GOLGA6C: variants seen among roughly 807,000 people sequenced by gnomAD.
GOLGA6C encodes golgin subfamily A member 6C.
In GOLGA6C, 3 loss-of-function variants were observed where a neutral mutation model predicts 57.5. The observed-to-expected ratio is 0.05, with a 90% CI of 0.02 to 0.13. The LOEUF is 0.13. GOLGA6C is among the 10% of genes least tolerant of loss of function. The pLI, the probability that GOLGA6C is intolerant of heterozygous loss-of-function variation, is 1.00. For synonymous variants in GOLGA6C, 32 were observed against 203.8 expected (o/e 0.16, Z 7.18); for missense variants, 88 against 525.6 (o/e 0.17, Z 8.14).
intron 7 of GOLGA6C, 92 bp from the exon 8 acceptor site, chr15:75,265,030 T>A (rs1488233406): frequency 2.0e-6 from 3 of 1,492,414 alleles, no homozygotes; most frequent in Non-Finnish European, 2.8e-6. Flanking sequence ...TGACCTTTAC[T>A]AACCGAGTTG....
chr15:75,272,564 G>A lies in GOLGA6C; in HGVS notation c.*2365G>A, dbSNP rs2070792891. ...AATGACTAGGAATGATCTTCAGCTA[G>A]CCTTTAGCACCTGCAACCAATCTGA... is the stretch of plus-strand genomic sequence containing the variant. On this transcript the variant is annotated 3_prime_UTR_variant, in exon 18 of 18. Transcript: ENST00000300576. Among the ~76,000 whole-genome samples the A allele has an allele frequency of 2.0e-5, 3 of 152,356 alleles. No individual in the cohort carries two copies. Among genetic ancestry groups the A allele is most frequent in the South Asian group, 4.1e-4 (2 of 4,830 alleles).
rs1307440100 is a variant in GOLGA6C at position 75,273,275 on chromosome 15, G to T, written c.*3076G>T. Among the ~76,000 whole-genome samples, 1 of 151,850 alleles carries T rather than the reference G, an allele frequency of 6.6e-6. No homozygotes were observed. Among genetic ancestry groups the T allele is most frequent in the Non-Finnish European group, 1.5e-5 (1 of 67,978 alleles). On this transcript the variant is annotated 3_prime_UTR_variant, in exon 18 of 18. Coordinates refer to ENST00000300576, the MANE Select transcript of GOLGA6C (RefSeq NM_001164404.2). ...GGGAAGGAAAAGTAGAGAAAGAAAT[G>T]CCAATTCCAATGCAAGGCTTTATTT...
chr15:75,258,894 G>A (rs1416972538), intron 1 of GOLGA6C, among the ~76,000 whole-genome samples: 1 of 150,694 alleles, frequency 6.6e-6, no homozygotes. Context: ...ATCACCCTGC[G>A]GTGACTTTGG....
In GOLGA6C at chr15:75,272,514, C is replaced by T. The variant is rs1176586849; in HGVS notation, c.*2315C>T. On this transcript the variant is annotated 3_prime_UTR_variant, in exon 18 of 18. Transcript: ENST00000300576. ...AAAGGTATTTTTATAGTTCAAATCA[C>T]TTCACTTTTACCCTGATAAATATAA... Among the ~76,000 whole-genome samples the T allele has an allele frequency of 1.3e-5, 2 of 152,324 alleles. No homozygotes were observed. Among genetic ancestry groups the T allele is most frequent in the South Asian group, 2.1e-4 (1 of 4,834 alleles).
At position 75,270,145 on chromosome 15, in the gene GOLGA6C, C is replaced by A. The variant is rs1306897408; in HGVS notation, c.2028C>A (p.Asp676Glu). ...CGGCCAGGGAGGGTTCTCCCCATGA[C>A]AACCCCCCGGTACAGCAGATCGTGC... ...PGAAREGSPH[D>E]NPPVQQIVQL... The change falls in exon 18 of 18, where the codon GAC (aspartate) becomes GAA (glutamate). Residue 676 changes from aspartate to glutamate, a missense_variant. By Grantham distance (45) the Asp-to-Glu change is conservative. Transcript: ENST00000300576. 6.3e-7 allele frequency: 1 copy of A among 1,592,794 alleles called. No individual in the cohort carries two copies. Among genetic ancestry groups the A allele is most frequent in the East Asian group, 2.4e-5 (1 of 41,684 alleles).
At chr15:75,269,361 G>A in intron 14 of GOLGA6C, 92 bp from the exon 15 acceptor site, 1 of 591,570 alleles carries the variant, frequency 1.7e-6, no homozygotes, top group Non-Finnish European at 3.0e-6. Flanking sequence ...TGGTGAAGCT[G>A]AAAGGGAGTG....
In GOLGA6C at chr15:75,269,228, G is replaced by A. The variant is rs376487842; in HGVS notation, c.1594-225G>A. On this transcript the variant is annotated intron_variant, in intron 14 of 17. Coordinates refer to ENST00000300576, the MANE Select transcript of GOLGA6C (RefSeq NM_001164404.2). ...CAGCGGAAGGTGCGAAGGCTGTGCC[G>A]CCTGCACCTGGCTCATCTGGTGGCC... 5.2e-4 allele frequency among the ~76,000 whole-genome samples: 76 copies of A among 145,962 alleles called. 1 individual carries two copies. Among genetic ancestry groups the A allele is most frequent in the African/African-American group, 1.8e-3 (68 of 37,768 alleles).
intron 1 of GOLGA6C, among the ~76,000 whole-genome samples, chr15:75,259,335 G>C (rs1429919264): frequency 8.1e-6 from 1 of 124,182 alleles, no homozygotes; most frequent in East Asian, 2.5e-4. Context: ...AGTCCCCTAA[G>C]CATTCTCACC....
intron 1 of GOLGA6C, among the ~76,000 whole-genome samples, chr15:75,259,009 G>A (rs1467160672): frequency 6.8e-6 from 1 of 147,516 alleles, no homozygotes; most frequent in East Asian, 2.1e-4. Flanking sequence ...AAGGACCTGG[G>A]TCCCCCAGCC....
Position 75,270,399 on chromosome 15 carries a change from T to C in GOLGA6C, c.*200T>C, listed in dbSNP as rs2141636003. Among the ~76,000 whole-genome samples the C allele has an allele frequency of 7.1e-6, 1 of 140,192 alleles. No homozygotes were observed. Among genetic ancestry groups the C allele is most frequent in the East Asian group, 2.2e-4 (1 of 4,472 alleles). 92.0% of individuals were successfully genotyped at this position (140,192 alleles called of 152,430 possible). A position where few individuals can be genotyped will look rare whatever the true frequency, so the allele number is the denominator to read the frequency against. On this transcript the variant is annotated 3_prime_UTR_variant, in exon 18 of 18. Transcript: ENST00000300576. ...AGCCACTCACATTTATTTGTGTTTC[T>C]AATTTACCGTTTAAATTTATTTGTA...
rs2070795892 is a variant in GOLGA6C at position 75,272,935 on chromosome 15, T to A, written c.*2736T>A. 6.6e-6 allele frequency among the ~76,000 whole-genome samples: 1 copy of A among 152,020 alleles called. No homozygotes were observed. The highest frequency in any genetic ancestry group is 2.1e-4 in the South Asian group (1 of 4,836). On this transcript the variant is annotated 3_prime_UTR_variant, in exon 18 of 18. Coordinates refer to ENST00000300576, the MANE Select transcript of GOLGA6C (RefSeq NM_001164404.2). Reference sequence around the variant, plus strand: ...TAAAGTGTGGGTTCAACTGAATAAATTTGAATTTCTGTAGGAAGTAAAGAA... The same window carrying A: ...TAAAGTGTGGGTTCAACTGAATAAAATTGAATTTCTGTAGGAAGTAAAGAA...
At chr15:75,269,193 G>A (rs2070771513) in intron 14 of GOLGA6C, among the ~76,000 whole-genome samples, 1 of 146,446 alleles carries the variant, frequency 6.8e-6, no homozygotes, top group African/African-American at 2.6e-5. Flanking sequence ...AGCAGGCACG[G>A]CTATGTGGGC....
In GOLGA6C at chr15:75,272,751, A is replaced by G. The variant is rs532749726; in HGVS notation, c.*2552A>G. ...AAAAATTAAATAGCATGTAAATCAT[A>G]TAACAATAACTTAAGTCTTTCTTCA... On this transcript the variant is annotated 3_prime_UTR_variant, in exon 18 of 18. Transcript: ENST00000300576. Among the ~76,000 whole-genome samples the G allele has an allele frequency of 1.3e-5, 2 of 151,142 alleles. No individual in the cohort carries two copies. Among genetic ancestry groups the G allele is most frequent in the East Asian group, 1.9e-4 (1 of 5,190 alleles).
At chr15:75,261,826 T>G (rs1435959987) in intron 2 of GOLGA6C, among the ~76,000 whole-genome samples, 2 of 40,906 alleles carry the variant, frequency 4.9e-5, no homozygotes, top group African/African-American at 1.7e-4. Flanking sequence ...TTTTTTTTTT[T>G]TTTTTTTTGA....
In GOLGA6C at chr15:75,269,240, C is replaced by A. The variant is rs562133593; in HGVS notation, c.1594-213C>A. Reference sequence around the variant, plus strand: ...CGAAGGCTGTGCCGCCTGCACCTGGCTCATCTGGTGGCCTTGGCCTGGAAG... The same window carrying A: ...CGAAGGCTGTGCCGCCTGCACCTGGATCATCTGGTGGCCTTGGCCTGGAAG... On this transcript the variant is annotated intron_variant, in intron 14 of 17. Coordinates refer to ENST00000300576, the MANE Select transcript of GOLGA6C (RefSeq NM_001164404.2). Among the ~76,000 whole-genome samples the A allele has an allele frequency of 6.1e-5, 9 of 146,896 alleles. No homozygotes were observed. The South Asian group carries it at 1.9e-3, about 31-fold the overall frequency.
At chr15:75,264,377 G>C (rs2141631474) in intron 7 of GOLGA6C, among the ~76,000 whole-genome samples, 1 of 146,404 alleles carries the variant, frequency 6.8e-6, no homozygotes, top group Admixed American at 6.7e-5. Context: ...TTGGGTAGTT[G>C]TTCTGTGAAG....
rs2070798991 is a variant in GOLGA6C at position 75,273,223 on chromosome 15, T to C, written c.*3024T>C. 6.6e-6 allele frequency among the ~76,000 whole-genome samples: 1 copy of C among 152,134 alleles called. No individual in the cohort carries two copies. The highest frequency in any genetic ancestry group is 1.5e-5 in the Non-Finnish European group (1 of 68,056). ...AAGTTAAAACACTTTAAAATATGAA[T>C]ACTGTAGTTTGAAAGAAAGAAACTG... On this transcript the variant is annotated 3_prime_UTR_variant, in exon 18 of 18. Coordinates refer to ENST00000300576, the MANE Select transcript of GOLGA6C (RefSeq NM_001164404.2).
At position 75,258,531 on chromosome 15, in the gene GOLGA6C, T is replaced by A; in HGVS notation, c.-68T>A. 1 of 423,112 alleles carries A rather than the reference T, an allele frequency of 2.4e-6. No homozygotes were observed. The highest frequency in any genetic ancestry group is 2.1e-5 in the South Asian group (1 of 46,624). 26.2% of individuals were successfully genotyped at this position (423,112 alleles called of 1,614,324 possible). A position where few individuals can be genotyped will look rare whatever the true frequency, so the allele number is the denominator to read the frequency against. ...CACACCCCTATTCTGCATTCTAGTG[T>A]GGCCCTGGTTACGCCTCCTCTGGCT... On this transcript the variant is annotated 5_prime_UTR_variant, in exon 1 of 18. Transcript: ENST00000300576.
chr15:75,260,986 A>C (rs1163097722), intron 2 of GOLGA6C, among the ~76,000 whole-genome samples: 1 of 30,442 alleles, frequency 3.3e-5, no homozygotes, highest in Non-Finnish European at 7.1e-5. Context: ...CCACAGAAAA[A>C]TCACTTCTTC....
Sources: allele counts gnomAD v4.1 joint callset (sites outside exome capture counted in the v4.1 genomes callset), GRCh38; gene constraint gnomAD v4.1.1; transcripts MANE v1.5; gene names NCBI Gene and HGNC (gene_info 2026-07-23, HGNC 2026-07-21).